Variants in SPATA6L observed in about 807,000 individuals in gnomAD.
SPATA6L encodes the protein spermatogenesis associated 6-like protein.
In SPATA6L, 68 loss-of-function variants were observed where a neutral mutation model predicts 49.2. The ratio of observed to expected loss-of-function variants is 1.38; its 90% CI spans 1.14 to 1.69. SPATA6L has a LOEUF of 1.69. Among genes scored for constraint, SPATA6L ranks in the 40% most tolerant of loss-of-function variants. The pLI is 0.00. For missense variants in SPATA6L, 668 were observed against 464.3 expected (o/e 1.44, Z -4.03); for synonymous variants, 198 against 165.7 (o/e 1.19, Z -1.50).
chr9:4,647,724 T>C (rs935210685), intron 3 of SPATA6L, among the ~76,000 whole-genome samples: 1 of 152,006 alleles, frequency 6.6e-6, no homozygotes, highest in Non-Finnish European at 1.5e-5. Context: ...AAGAATAAAA[T>C]TCAGATCTTT....
intron 3 of SPATA6L, among the ~76,000 whole-genome samples, chr9:4,643,118 C>G (rs1003070497): frequency 2.0e-5 from 3 of 152,280 alleles, no homozygotes; most frequent in South Asian, 4.1e-4. Flanking sequence ...AGCAGTTCTC[C>G]TGTCTCAGCC....
At chr9:4,594,878 A>AAAATACTAAACAAAATCCC (rs1822143635), downstream of SPATA6L, among the ~76,000 whole-genome samples, 1 of 152,234 alleles carries the variant, frequency 6.6e-6, no homozygotes, top group Non-Finnish European at 1.5e-5. Flanking sequence ...AGGGATTAAA[A>AAAATACTAAACAAAATCCC]AAATACTAAA....
chr9:4,631,559 T>A (rs1831551510), intron 4 of SPATA6L, among the ~76,000 whole-genome samples: 1 of 151,730 alleles, frequency 6.6e-6, no homozygotes, highest in South Asian at 2.1e-4. Context: ...CACCAGGAAA[T>A]AAAAAATACC....
chr9:4,621,581 C>T (rs149737689), intron 7 of SPATA6L, among the ~76,000 whole-genome samples: 2,625 of 152,086 alleles, frequency 0.017, 55 homozygotes, highest in Admixed American at 0.065. Context: ...CTCTGCCTCC[C>T]GGGTTCAAGC....
chr9:4,614,056 T>C (rs1348474842), intron 9 of SPATA6L, among the ~76,000 whole-genome samples: 1 of 152,230 alleles, frequency 6.6e-6, no homozygotes, highest in East Asian at 1.9e-4. Flanking sequence ...TGCAATTTAT[T>C]TTACATTTGA....
chr9:4,622,504 T>C lies in SPATA6L; in HGVS notation c.676A>G (p.Ser226Gly), dbSNP rs777580234. The part of the protein sequence containing the change: ...KPPFVVRHVD[S>G]AKPFGENISE... ...ATATTCTCACCAAAGGGCTTTGCAC[T>C]GTCCACCTGAAAGTAAAGGAAAGAA... The change falls in exon 7 of 12, where the codon AGT becomes GGT. Residue 226 changes from serine to glycine, a missense_variant. Physicochemically the swap from Ser to Gly is moderately conservative, Grantham distance 56. Transcript: ENST00000682582. 107 of 1,607,794 alleles carry C rather than the reference T, an allele frequency of 6.7e-5. No homozygotes were observed. In the Middle Eastern group the frequency reaches 4.6e-3, roughly 69 times the overall value.
At chr9:4,643,213 G>A (rs534355579) in intron 3 of SPATA6L, among the ~76,000 whole-genome samples, 1 of 152,206 alleles carries the variant, frequency 6.6e-6, no homozygotes, top group East Asian at 1.9e-4. Flanking sequence ...TCACTATGTT[G>A]GCCAGGTTGG....
chr9:4,597,733 G>T (rs954277025), downstream of SPATA6L, among the ~76,000 whole-genome samples: 2 of 152,198 alleles, frequency 1.3e-5, no homozygotes, highest in African/African-American at 4.8e-5. Context: ...GAAGAGAGAA[G>T]AGGTCTCCCT....
intron 4 of SPATA6L, among the ~76,000 whole-genome samples, chr9:4,634,596 C>T (rs947589119): frequency 2.0e-5 from 3 of 152,056 alleles, no homozygotes; most frequent in East Asian, 1.9e-4. Context: ...ATACGAGAAA[C>T]GCTGAGTATC....
intron 9 of SPATA6L, among the ~76,000 whole-genome samples, chr9:4,611,293 A>G (rs1826646607): frequency 6.8e-6 from 1 of 147,240 alleles, no homozygotes; most frequent in African/African-American, 2.7e-5. Flanking sequence ...CCATCCCATT[A>G]CTGGGTATAT....
At chr9:4,656,004 T>C (rs549540310) in intron 3 of SPATA6L, 37 bp downstream of exon 3, 9 of 1,529,848 alleles carry the variant, frequency 5.9e-6, no homozygotes, top group Admixed American at 5.1e-5. Flanking sequence ...CACACAATAG[T>C]CTTTTGGTTT....
intron 4 of SPATA6L, among the ~76,000 whole-genome samples, chr9:4,629,502 C>T (rs1416889282): frequency 6.6e-6 from 1 of 151,826 alleles, no homozygotes; most frequent in East Asian, 1.9e-4. Flanking sequence ...CCCAGGCATT[C>T]CGGCTCCAGT....
chr9:4,592,182 G>A (rs1821945676), intron 13 of SPATA6L, among the ~76,000 whole-genome samples: 1 of 152,012 alleles, frequency 6.6e-6, no homozygotes, highest in South Asian at 2.1e-4. Flanking sequence ...AGGTGTAGTG[G>A]CACATGCCTG....
intron 7 of SPATA6L, among the ~76,000 whole-genome samples, chr9:4,620,729 T>G (rs1829091368): frequency 6.6e-6 from 1 of 152,026 alleles, no homozygotes; most frequent in Non-Finnish European, 1.5e-5. Context: ...GAACCTTAGT[T>G]CTCCACATGC....
At chr9:4,638,994 A>G (rs1641817449) in intron 3 of SPATA6L, among the ~76,000 whole-genome samples, 1 of 152,112 alleles carries the variant, frequency 6.6e-6, no homozygotes, top group South Asian at 2.1e-4. Flanking sequence ...TCCACCACTT[A>G]CCAACTATGT....
chr9:4,616,272 A>G (rs775837503), intron 9 of SPATA6L, among the ~76,000 whole-genome samples: 1 of 152,126 alleles, frequency 6.6e-6, no homozygotes, highest in Non-Finnish European at 1.5e-5. Flanking sequence ...GCAAGACCCC[A>G]TCTCGAAAAA....
At chr9:4,625,270 A>G in intron 6 of SPATA6L, 57 bp downstream of exon 6, 1 of 1,541,062 alleles carries the variant, frequency 6.5e-7, no homozygotes, top group Non-Finnish European at 8.7e-7. Flanking sequence ...CCTTTCTTCC[A>G]CCCTCATCCA....
Position 4,591,515 on chromosome 9 carries a change from G to A in SPATA6L, c.*255-2554C>T, listed in dbSNP as rs78803314. Among the ~76,000 whole-genome samples the A allele has an allele frequency of 3.6e-3, 552 of 152,340 alleles. 6 individuals are homozygous for A. The highest frequency in any genetic ancestry group is 0.012 in the African/African-American group (507 of 41,572). On this transcript the variant is annotated intron_variant and NMD_transcript_variant, in intron 13 of 13. Transcript: ENST00000461761. ...ATAAAAGAAGGCAATACCAGTCGGCGATAGAGGGACACTGGCTGATCCATC... is the reference window on the plus strand; with the variant it reads ...ATAAAAGAAGGCAATACCAGTCGGCAATAGAGGGACACTGGCTGATCCATC...
chr9:4,649,673 C>T (rs1341127481), intron 3 of SPATA6L, among the ~76,000 whole-genome samples: 1 of 152,182 alleles, frequency 6.6e-6, no homozygotes, highest in Non-Finnish European at 1.5e-5. Context: ...AATTAGGATG[C>T]TTGATAAAAT....
Sources: allele counts gnomAD v4.1 joint callset (sites outside exome capture counted in the v4.1 genomes callset), GRCh38; gene constraint gnomAD v4.1.1; transcripts MANE v1.5; gene names NCBI Gene and HGNC (gene_info 2026-07-23, HGNC 2026-07-21).